Variants in GABBR2 observed in about 807,000 individuals in gnomAD.
GABBR2 encodes G-protein coupled receptor 51.
In GABBR2, 23 loss-of-function variants were observed where a neutral mutation model predicts 105.6. That is an observed-to-expected ratio of 0.22 (90% confidence interval 0.16 to 0.31). The LOEUF is 0.31. Among genes scored for constraint, GABBR2 ranks in the 10% least tolerant of loss-of-function variants. The probability of loss-of-function intolerance (pLI) is 1.00; values close to 1 mark genes in which losing one functional copy is unlikely to be tolerated. For synonymous variants in GABBR2, 478 were observed against 499.7 expected, an observed-to-expected ratio of 0.96 and a Z score of 0.58; for missense variants, 734 against 1,245.5, an observed-to-expected ratio of 0.59 and a Z score of 6.18.
intron 7 of GABBR2, among the ~76,000 whole-genome samples, chr9:98,447,121 G>A (rs1424673818): frequency 7.1e-6 from 1 of 141,124 alleles, no homozygotes; most frequent in Non-Finnish European, 1.5e-5. Flanking sequence ...GAGTGCAGTG[G>A]CGCAATCTCG....
intron 1 of GABBR2, among the ~76,000 whole-genome samples, chr9:98,690,579 C>G (rs1051162262): frequency 6.6e-6 from 1 of 152,150 alleles, no homozygotes; most frequent in Non-Finnish European, 1.5e-5. Flanking sequence ...GGGCTGGAAC[C>G]TGGCAGGTCT....
intron 13 of GABBR2, among the ~76,000 whole-genome samples, chr9:98,361,121 G>A (rs1831574215): frequency 6.6e-6 from 1 of 152,182 alleles, no homozygotes. Context: ...TGTGGCCAAT[G>A]AACAAAGGTT....
intron 1 of GABBR2, among the ~76,000 whole-genome samples, chr9:98,676,877 T>A (rs1355475986): frequency 6.6e-6 from 1 of 152,188 alleles, no homozygotes; most frequent in Non-Finnish European, 1.5e-5. Flanking sequence ...AAGTCCCAAT[T>A]TAGCTGGACA....
At chr9:98,575,846 G>A (rs906997278) in intron 2 of GABBR2, among the ~76,000 whole-genome samples, 4 of 152,090 alleles carry the variant, frequency 2.6e-5, no homozygotes, top group African/African-American at 7.2e-5. Context: ...GGCCTGCTCC[G>A]GCCACAAGGA....
At chr9:98,327,594 C>T (rs540234965) in intron 13 of GABBR2, among the ~76,000 whole-genome samples, 4 of 151,900 alleles carry the variant, frequency 2.6e-5, no homozygotes, top group African/African-American at 7.3e-5. Flanking sequence ...TAAGGCCGGG[C>T]GCAGTGGCTG....
chr9:98,340,832 T>C (rs1831199254), intron 13 of GABBR2, among the ~76,000 whole-genome samples: 1 of 152,268 alleles, frequency 6.6e-6, no homozygotes, highest in African/African-American at 2.4e-5. Flanking sequence ...ATGTGTGGCA[T>C]TGGGTTAAAA....
At chr9:98,386,238 C>G (rs1373952979) in intron 10 of GABBR2, among the ~76,000 whole-genome samples, 1 of 132,196 alleles carries the variant, frequency 7.6e-6, no homozygotes, top group Non-Finnish European at 1.6e-5. Flanking sequence ...TTGGCTGGAA[C>G]TAAGAACTCA....
At chr9:98,321,238 GT>G (rs575105686) in intron 13 of GABBR2, among the ~76,000 whole-genome samples, 235 of 152,216 alleles carry the variant, frequency 1.5e-3, no homozygotes, top group African/African-American at 5.6e-3. Flanking sequence ...CCCGATTTTT[GT>G]TGAAGGCACA....
At chr9:98,638,501 G>A (rs552260437) in intron 1 of GABBR2, among the ~76,000 whole-genome samples, 12 of 152,264 alleles carry the variant, frequency 7.9e-5, no homozygotes, top group African/African-American at 9.6e-5. Context: ...AGTACTGACC[G>A]AGTGGTTAAG....
chr9:98,301,542 C>T lies in GABBR2; in HGVS notation c.2412+1699G>A, dbSNP rs545980008. Among the ~76,000 whole-genome samples, 10 of 152,216 alleles carry T rather than the reference C, an allele frequency of 6.6e-5. No individual in the cohort carries two copies. In the East Asian group the frequency reaches 1.5e-3, roughly 23 times the overall value. On this transcript the variant is annotated intron_variant, in intron 16 of 18. Transcript: ENST00000259455. ...AACACAGCCATGAAATTGTTTAACACGTTTTCATGTGGAGGAGGAGGGAAA... is the reference window on the plus strand; with the variant it reads ...AACACAGCCATGAAATTGTTTAACATGTTTTCATGTGGAGGAGGAGGGAAA...
intron 2 of GABBR2, among the ~76,000 whole-genome samples, chr9:98,572,630 T>G (rs112338766): frequency 0.023 from 3,555 of 151,568 alleles, 55 homozygotes; most frequent in Non-Finnish European, 0.036. Flanking sequence ...GCTTGGGAGG[T>G]CCACAGAGTC....
intron 1 of GABBR2, among the ~76,000 whole-genome samples, chr9:98,613,201 G>T (rs1304589547): frequency 6.6e-6 from 1 of 152,220 alleles, no homozygotes; most frequent in Non-Finnish European, 1.5e-5. Context: ...CACCTTGGGA[G>T]GCCAAGGTGA....
chr9:98,700,334 C>A (rs962170300), intron 1 of GABBR2, among the ~76,000 whole-genome samples: 2 of 152,186 alleles, frequency 1.3e-5, no homozygotes, highest in African/African-American at 4.8e-5. Context: ...TAATGGTCAT[C>A]AGCTGCAACA....
At chr9:98,515,285 G>A (rs558525847) in intron 3 of GABBR2, among the ~76,000 whole-genome samples, 2 of 152,308 alleles carry the variant, frequency 1.3e-5, no homozygotes, top group South Asian at 4.1e-4. Context: ...TGCCTAGGTG[G>A]TACCTGTTCT....
intron 1 of GABBR2, among the ~76,000 whole-genome samples, chr9:98,691,552 T>C (rs537843531): frequency 6.6e-6 from 1 of 152,326 alleles, no homozygotes; most frequent in Admixed American, 6.5e-5. Flanking sequence ...AAGCCAGGAC[T>C]TTGCGGAGGC....
intron 13 of GABBR2, among the ~76,000 whole-genome samples, chr9:98,337,270 A>C (rs1831133168): frequency 6.6e-6 from 1 of 152,116 alleles, no homozygotes; most frequent in South Asian, 2.1e-4. Flanking sequence ...GCACCAATGC[A>C]CTCCCGCCTG....
chr9:98,382,173 G>C (rs986710066), intron 11 of GABBR2, among the ~76,000 whole-genome samples: 1 of 152,194 alleles, frequency 6.6e-6, no homozygotes. Flanking sequence ...TGAGGAGATG[G>C]GCAGAGTGGC....
intron 3 of GABBR2, among the ~76,000 whole-genome samples, chr9:98,520,429 G>T (rs747474490): frequency 6.6e-6 from 1 of 152,226 alleles, no homozygotes; most frequent in Admixed American, 6.5e-5. Flanking sequence ...AGGAGCAGAT[G>T]TGTGGAGCTT....
intron 11 of GABBR2, among the ~76,000 whole-genome samples, chr9:98,376,858 A>G (rs1831883382): frequency 6.6e-6 from 1 of 152,170 alleles, no homozygotes; most frequent in African/African-American, 2.4e-5. Context: ...CCTAGGGGCC[A>G]TCTTAGAAGC....
Sources: allele counts gnomAD v4.1 joint callset (sites outside exome capture counted in the v4.1 genomes callset), GRCh38; gene constraint gnomAD v4.1.1; transcripts MANE v1.5; gene names NCBI Gene and HGNC (gene_info 2026-07-23, HGNC 2026-07-21).